The following KCNG2 variants were observed in gnomAD, a reference collection of about 807,000 sequenced individuals.
KCNG2 encodes voltage-gated potassium channel regulatory subunit KCNG2.
In KCNG2, 7 loss-of-function variants were observed where a neutral mutation model predicts 12.3. That is an observed-to-expected ratio of 0.57 (90% confidence interval 0.32 to 1.07). KCNG2 has a LOEUF of 1.07. Ranked by LOEUF, KCNG2 falls within the 50% of genes least tolerant of loss-of-function variation. The pLI, the probability that KCNG2 is intolerant of heterozygous loss-of-function variation, is 0.04. For synonymous variants in KCNG2, 414 were observed against 351.4 expected, an observed-to-expected ratio of 1.18 and a Z score of -1.99; for missense variants, 703 against 726.0, an observed-to-expected ratio of 0.97 and a Z score of 0.36.
At chr18:79,852,696 A>C (rs1363939215) in intron 1 of KCNG2, among the ~76,000 whole-genome samples, 2 of 152,236 alleles carry the variant, frequency 1.3e-5, no homozygotes, top group Non-Finnish European at 2.9e-5. Context: ...TCTGGAGATG[A>C]GCTGGACTTT....
At chr18:79,809,993 C>T (rs2087482504) in intron 1 of KCNG2, among the ~76,000 whole-genome samples, 1 of 152,210 alleles carries the variant, frequency 6.6e-6, no homozygotes, top group Non-Finnish European at 1.5e-5. Context: ...GTTCTGGTCT[C>T]AGCGCCGTCC....
At chr18:79,849,085 G>C (rs1599390343) in intron 1 of KCNG2, among the ~76,000 whole-genome samples, 2 of 152,210 alleles carry the variant, frequency 1.3e-5, no homozygotes, top group South Asian at 2.1e-4. Flanking sequence ...AGGCCACTCG[G>C]CCGCTCTGCA....
At position 79,884,453 on chromosome 18, in the gene KCNG2, C is replaced by T. The variant is rs965411709; in HGVS notation, c.625-14587C>T. Among the ~76,000 whole-genome samples the T allele has an allele frequency of 1.3e-5, 2 of 152,180 alleles. No homozygotes were observed. The highest frequency in any genetic ancestry group is 1.3e-4 in the Admixed American group (2 of 15,276). ...TGGCAGGGACTGGCTGGTTCCCTTCCTTGGTTCCCCCAGTGGGATGGAGCC... is the reference window on the plus strand; with the variant it reads ...TGGCAGGGACTGGCTGGTTCCCTTCTTTGGTTCCCCCAGTGGGATGGAGCC... On this transcript the variant is annotated intron_variant, in intron 3 of 3. Transcript: ENST00000316249. This position sits in a 1 kb window ranked among gnomAD's most constrained non-coding sequence, Gnocchi z 5.5.
At chr18:79,862,468 A>G (rs909015634) in intron 2 of KCNG2, among the ~76,000 whole-genome samples, 3 of 152,154 alleles carry the variant, frequency 2.0e-5, no homozygotes, top group African/African-American at 7.2e-5. Context: ...AACCTTCAGC[A>G]CTCATCCAGG....
chr18:79,867,626 C>A, intron 3 of KCNG2, among the ~76,000 whole-genome samples: 1 of 151,348 alleles, frequency 6.6e-6, no homozygotes, highest in Non-Finnish European at 1.5e-5. Flanking sequence ...GGGCCCTGGG[C>A]CTGGGGGTTT....
chr18:79,867,248 T>G (rs1019779782), intron 3 of KCNG2, among the ~76,000 whole-genome samples: 6 of 151,192 alleles, frequency 4.0e-5, no homozygotes, highest in Non-Finnish European at 8.8e-5. Flanking sequence ...TTCCTGCCCC[T>G]GTCTTAGACT....
rs140787067 is a variant in KCNG2 at position 79,881,950 on chromosome 18, C to T, written c.625-17090C>T. Among the ~76,000 whole-genome samples the T allele has an allele frequency of 3.1e-3, 467 of 152,204 alleles. 1 individual carries two copies. Among genetic ancestry groups the T allele is most frequent in the African/African-American group, 0.011 (447 of 41,534 alleles). On this transcript the variant is annotated intron_variant, in intron 3 of 3. Coordinates refer to ENST00000316249, the MANE Select transcript of KCNG2 (RefSeq NM_012283.2). ...TTTGGCAAAGTGAAAAGGCCGGGCA[C>T]GGAGAAAGAATCGTCTTTTCAACAA...
chr18:79,895,111 G>A (rs1223847354), intron 3 of KCNG2, among the ~76,000 whole-genome samples: 3 of 151,432 alleles, frequency 2.0e-5, no homozygotes, highest in Non-Finnish European at 4.4e-5. Flanking sequence ...TTTTGATTGG[G>A]TTGTTCACTC....
chr18:79,899,831 A>C lies in KCNG2; in HGVS notation c.*15A>C, dbSNP rs1051649138. On this transcript the variant is annotated 3_prime_UTR_variant, in exon 4 of 4. Coordinates refer to ENST00000316249, the MANE Select transcript of KCNG2 (RefSeq NM_012283.2). ...CAGGGCGCTGACGCCTGCGCCGCCC[A>C]CACGGAGACCCCCTGCCCCCTCCAG... 2 of 1,347,760 alleles carry C rather than the reference A, an allele frequency of 1.5e-6. No homozygotes were observed. Among genetic ancestry groups the C allele is most frequent in the Admixed American group, 4.0e-5 (1 of 25,174 alleles). The allele number at this position is 1,347,760 out of a possible 1,614,324, so 83.5% of individuals were successfully genotyped here.
chr18:79,872,861 G>T (rs965342005), intron 3 of KCNG2, among the ~76,000 whole-genome samples: 3 of 152,230 alleles, frequency 2.0e-5, no homozygotes, highest in Non-Finnish European at 4.4e-5. Flanking sequence ...ACACAGCGAG[G>T]TCTCTCTCCC....
At chr18:79,853,998 C>T (rs1046825352) in intron 1 of KCNG2, among the ~76,000 whole-genome samples, 9 of 152,260 alleles carry the variant, frequency 5.9e-5, no homozygotes, top group African/African-American at 1.7e-4. Context: ...GAATCCACCA[C>T]GCATGGGAGG....
intron 1 of KCNG2, among the ~76,000 whole-genome samples, chr18:79,798,587 C>T (rs947612224): frequency 6.6e-6 from 1 of 152,216 alleles, no homozygotes; most frequent in Non-Finnish European, 1.5e-5. Context: ...GACACACGGC[C>T]GCACCCCTAC....
intron 2 of KCNG2, among the ~76,000 whole-genome samples, chr18:79,860,362 AG>A (rs1979167523): frequency 1.3e-5 from 2 of 152,236 alleles, no homozygotes; most frequent in East Asian, 3.8e-4. Flanking sequence ...TGATCAATTT[AG>A]GGAAGATTGC....
intron 3 of KCNG2, among the ~76,000 whole-genome samples, chr18:79,881,120 A>G (rs1477714355): frequency 3.9e-5 from 6 of 152,250 alleles, no homozygotes; most frequent in African/African-American, 1.4e-4. Flanking sequence ...AAGCAAGGAA[A>G]GTAGACGTCG....
intron 3 of KCNG2, among the ~76,000 whole-genome samples, chr18:79,880,046 G>C (rs1980234122): frequency 6.6e-6 from 1 of 152,188 alleles, no homozygotes. Flanking sequence ...TTAACACTGT[G>C]AACGCGCATG....
chr18:79,832,115 T>C (rs1166088752), intron 1 of KCNG2, among the ~76,000 whole-genome samples: 2 of 152,146 alleles, frequency 1.3e-5, no homozygotes, highest in Non-Finnish European at 2.9e-5. Flanking sequence ...TACTCCGAGG[T>C]ACATCTATCC....
At chr18:79,882,031 C>T (rs555371220) in intron 3 of KCNG2, among the ~76,000 whole-genome samples, 3 of 150,990 alleles carry the variant, frequency 2.0e-5, no homozygotes, top group Admixed American at 6.6e-5. Context: ...CCATGCCTTA[C>T]GTTTTATACA....
rs773295135 is a variant in KCNG2 at position 79,899,108 on chromosome 18, C to T, written c.693C>T (p.Phe231=). The change falls in exon 4 of 4, where the codon TTC becomes TTT. Residue 231 remains phenylalanine (F), a synonymous_variant. Transcript: ENST00000316249. ...CCGTGTGCGTGGCCTGGTTCTCCTT[C>T]GAGTTCCTGCTGCGCTCCCTGCAGG... ...LETVCVAWFS[F]EFLLRSLQAE... is the part of the protein sequence containing the mutation. 33 of 1,605,106 alleles carry T rather than the reference C, an allele frequency of 2.1e-5. No homozygotes were observed. Among genetic ancestry groups the T allele is most frequent in the South Asian group, 7.7e-5 (7 of 90,372 alleles).
At chr18:79,804,910 A>G (rs2087437073) in intron 1 of KCNG2, among the ~76,000 whole-genome samples, 1 of 152,244 alleles carries the variant, frequency 6.6e-6, no homozygotes, top group Non-Finnish European at 1.5e-5. Flanking sequence ...CTGCTAATAC[A>G]TTAGGATAGT....
Sources: allele counts gnomAD v4.1 joint callset (sites outside exome capture counted in the v4.1 genomes callset), GRCh38; gene constraint gnomAD v4.1.1; non-coding constraint Gnocchi (gnomAD v3.1); transcripts MANE v1.5; gene names NCBI Gene and HGNC (gene_info 2026-07-23, HGNC 2026-07-21).